ZFC3H1: variants seen among roughly 807,000 people sequenced by gnomAD.
ZFC3H1 encodes the protein zinc finger C3H1-type containing.
In ZFC3H1, 71 loss-of-function variants were observed where a neutral mutation model predicts 243.7. The observed-to-expected ratio is 0.29, with a 90% CI of 0.24 to 0.36. ZFC3H1 has a LOEUF of 0.36. Among genes scored for constraint, ZFC3H1 ranks in the 10% least tolerant of loss-of-function variants. The pLI, the probability that ZFC3H1 is intolerant of heterozygous loss-of-function variation, is 1.00. For synonymous variants in ZFC3H1, 838 were observed against 813.0 expected (o/e 1.03, Z -0.52); for missense variants, 1,966 against 2,317.1 (o/e 0.85, Z 3.11).
chr12:71,645,328 A>G (rs1880701846), intron 3 of ZFC3H1, among the ~76,000 whole-genome samples: 1 of 152,236 alleles, frequency 6.6e-6, no homozygotes, highest in Non-Finnish European at 1.5e-5. Flanking sequence ...AGGCGGTACA[A>G]CTGATAGAAC....
At position 71,663,387 on chromosome 12, in the gene ZFC3H1, G is replaced by A. The variant is rs771756509; in HGVS notation, c.224C>T (p.Ser75Leu). 3 of 1,612,296 alleles carry A rather than the reference G, an allele frequency of 1.9e-6. No homozygotes were observed. Among genetic ancestry groups the A allele is most frequent in the Non-Finnish European group, 2.5e-6 (3 of 1,180,018 alleles). Residue 75 changes from serine to leucine, a missense_variant, in exon 1 of 35, where the codon TCA becomes TTA. By Grantham distance (145) the Ser-to-Leu change is moderately radical. Transcript: ENST00000378743. ...CAGCTGCTGCTGAGAAGAGGACGATGACGAGGAAGAGCCACCGCCTCCGCC... is the reference window on the plus strand; with the variant it reads ...CAGCTGCTGCTGAGAAGAGGACGATAACGAGGAAGAGCCACCGCCTCCGCC... ...GSGGGGGSSS[S>L]SSSSQQQLRN...
Position 71,627,734 on chromosome 12 carries a change from A to G in ZFC3H1, c.4130+17T>C. On this transcript the variant is annotated intron_variant, in intron 21 of 34. Coordinates refer to ENST00000378743, the MANE Select transcript of ZFC3H1 (RefSeq NM_144982.5). ...TAAATGTGCAACTGTTTACACAAAG[A>G]TTTGAAGTTGACCTACCCCTCATTT... 8 of 1,599,138 alleles carry G rather than the reference A, an allele frequency of 5.0e-6. No homozygotes were observed. Among genetic ancestry groups the G allele is most frequent in the Non-Finnish European group, 6.8e-6 (8 of 1,173,504 alleles).
intron 6 of ZFC3H1, among the ~76,000 whole-genome samples, chr12:71,641,277 A>G (rs1210746448): frequency 6.6e-6 from 1 of 152,258 alleles, no homozygotes. Flanking sequence ...AAAACATAAT[A>G]TAAGACTATC....
At chr12:71,621,372 C>T (rs368902424) in intron 24 of ZFC3H1, among the ~76,000 whole-genome samples, 34 of 151,396 alleles carry the variant, frequency 2.2e-4, no homozygotes, top group African/African-American at 7.0e-4. Flanking sequence ...GGCACGACCT[C>T]GGCTCACTGC....
intron 3 of ZFC3H1, 127 bp from the exon 4 acceptor site, chr12:71,645,202 T>C (rs1384703434): frequency 2.5e-6 from 2 of 802,566 alleles, no homozygotes; most frequent in Admixed American, 3.0e-5. Flanking sequence ...CAAATACAGA[T>C]AAAATAAGTA....
intron 16 of ZFC3H1, among the ~76,000 whole-genome samples, chr12:71,631,263 C>T (rs1880316201): frequency 6.6e-6 from 1 of 151,902 alleles, no homozygotes; most frequent in African/African-American, 2.4e-5. Context: ...ACATTACCAG[C>T]CAAGACAAGA....
At chr12:71,654,428 G>A (rs1880965782) in intron 2 of ZFC3H1, among the ~76,000 whole-genome samples, 1 of 152,126 alleles carries the variant, frequency 6.6e-6, no homozygotes, top group African/African-American at 2.4e-5. Flanking sequence ...GCAACACAGT[G>A]AGATCTTATC....
At chr12:71,634,589 C>T (rs1880412825) in intron 11 of ZFC3H1, 115 bp downstream of exon 11, 4 of 1,238,468 alleles carry the variant, frequency 3.2e-6, no homozygotes, top group East Asian at 2.4e-5. Context: ...AAAACATTAA[C>T]TCTGTATCTT....
rs1371149892 is a variant in ZFC3H1 at position 71,663,412 on chromosome 12, C to A, written c.199G>T (p.Gly67Cys). The A allele has an allele frequency of 6.2e-7, 1 of 1,612,010 alleles. No homozygotes were observed. The highest frequency in any genetic ancestry group is 8.5e-7 in the Non-Finnish European group (1 of 1,180,030). The stretch of plus-strand genomic sequence containing the variant: ...GACGAGGAAGAGCCACCGCCTCCGC[C>A]AGATCCACCGCCCCGGGCCGAGTGA... Reference protein sequence around the residue: ...PPHSARGGGSGGGGGSSSSSS... With the variant: ...PPHSARGGGSCGGGGSSSSSS... Residue 67 changes from glycine (G) to cysteine (C), a missense_variant, in exon 1 of 35, where the codon GGC becomes TGC. Transcript: ENST00000378743.
At chr12:71,652,214 C>G (rs1880907343) in intron 2 of ZFC3H1, among the ~76,000 whole-genome samples, 1 of 152,136 alleles carries the variant, frequency 6.6e-6, no homozygotes, top group Admixed American at 6.6e-5. Flanking sequence ...TTTACTGATT[C>G]AGATGACATT....
Position 71,630,967 on chromosome 12 carries a change from G to C in ZFC3H1, c.3471-13C>G, listed in dbSNP as rs1329001648. ...ATATGGACTAAATCTAAGGTGAAGAGAGTGAACAGGTATATTATGCCCAAC... is the reference window on the plus strand; with the variant it reads ...ATATGGACTAAATCTAAGGTGAAGACAGTGAACAGGTATATTATGCCCAAC... On this transcript the variant is annotated splice_polypyrimidine_tract_variant and intron_variant, in intron 16 of 34. Coordinates refer to ENST00000378743, the MANE Select transcript of ZFC3H1 (RefSeq NM_144982.5). The C allele has an allele frequency of 3.8e-6, 6 of 1,595,554 alleles. No homozygotes were observed. Among genetic ancestry groups the C allele is most frequent in the Non-Finnish European group, 5.1e-6 (6 of 1,168,152 alleles).
At chr12:71,612,571 G>GT (rs1180682013) in intron 31 of ZFC3H1, among the ~76,000 whole-genome samples, 1 of 152,014 alleles carries the variant, frequency 6.6e-6, no homozygotes, top group Non-Finnish European at 1.5e-5. Context: ...CTCAACTTTA[G>GT]TTTTTAAACT....
rs1396531797 is a variant in ZFC3H1 at position 71,657,125 on chromosome 12, C to T, written c.775G>A (p.Glu259Lys). 1 of 1,613,926 alleles carries T rather than the reference C, an allele frequency of 6.2e-7. No individual in the cohort carries two copies. The highest frequency in any genetic ancestry group is 8.5e-7 in the Non-Finnish European group (1 of 1,179,918). The change falls in exon 2 of 35, where the codon GAA becomes AAA. Residue 259 changes from glutamate (E) to lysine (K), a missense_variant. Glu to Lys is a moderately conservative substitution (Grantham distance 56). Around this residue, in one of 4 missense-constraint regions of ZFC3H1, gnomAD observed 484 missense variants for 449.7 expected, o/e 1.08. Transcript: ENST00000378743. ...TCGAAGTTCAATGTTTTAGGATCTT[C>T]CTGCACATTCTCTTCTTTGCTACTC... ...ALSSKEENVQ[E>K]DPKTLNFEDQ...
At chr12:71,628,325 C>G (rs1021958585) in intron 20 of ZFC3H1, among the ~76,000 whole-genome samples, 2 of 152,184 alleles carry the variant, frequency 1.3e-5, no homozygotes, top group African/African-American at 4.8e-5. Context: ...AAAGATTATT[C>G]TACTATATCT....
intron 30 of ZFC3H1, 69 bp downstream of exon 30, chr12:71,614,465 GT>G: frequency 7.1e-7 from 1 of 1,402,418 alleles, no homozygotes; most frequent in Non-Finnish European, 9.5e-7. Flanking sequence ...TAAAACAGGA[GT>G]TTTGCTATCA....
rs1881253966 is a variant in ZFC3H1, at chr12:71,663,574, C to T, written c.37G>A (p.Gly13Ser). Residue 13 changes from glycine to serine, a missense_variant, in exon 1 of 35, where the codon GGC (glycine) becomes AGC (serine). Physicochemically the swap from Gly to Ser is moderately conservative, Grantham distance 56. This residue lies in a region of ZFC3H1 where 484 missense variants were observed against 449.7 expected (regional missense o/e 1.08). Transcript: ENST00000378743. ...TADTPAPASS[G>S]LSPKEEGELE... is the part of the protein sequence containing the mutation. ...TCCCCTTCTTCCTTCGGCGAGAGGC[C>T]ACTGGAGGCCGGGGCCGGAGTATCT... is the stretch of plus-strand genomic sequence containing the variant. 1.9e-6 allele frequency: 3 copies of T among 1,612,586 alleles called. No individual in the cohort carries two copies. Among genetic ancestry groups the T allele is most frequent in the Non-Finnish European group, 2.5e-6 (3 of 1,179,992 alleles).
intron 1 of ZFC3H1, chr12:71,660,416 T>A (rs1364986979): frequency 6.6e-6 from 1 of 152,038 alleles, no homozygotes; most frequent in African/African-American, 2.4e-5. Flanking sequence ...AGCATCCTTT[T>A]AAGTGCAGCA....
In ZFC3H1 at chr12:71,613,534, T is replaced by C. The variant is rs534675925; in HGVS notation, c.5527-99A>G. 16 of 676,402 alleles carry C rather than the reference T, an allele frequency of 2.4e-5. No individual in the cohort carries two copies. In the Admixed American group the frequency reaches 3.9e-4, roughly 17 times the overall value. 41.9% of individuals were successfully genotyped at this position (676,402 alleles called of 1,614,324 possible). ...GAAAACCAAAATGGTCTTTAAGATA[T>C]GAATGTATAAATTATAATAATGTAT... On this transcript the variant is annotated intron_variant, in intron 30 of 34. Coordinates refer to ENST00000378743, the MANE Select transcript of ZFC3H1 (RefSeq NM_144982.5).
chr12:71,653,241 TG>T (rs1196096687), intron 2 of ZFC3H1, among the ~76,000 whole-genome samples: 5 of 152,152 alleles, frequency 3.3e-5, no homozygotes, highest in Non-Finnish European at 7.4e-5. Flanking sequence ...AAACAAAAAC[TG>T]TAATTGAAAT....
Sources: allele counts gnomAD v4.1 joint callset (sites outside exome capture counted in the v4.1 genomes callset), GRCh38; gene constraint gnomAD v4.1.1; regional missense constraint gnomAD v4.1.1; transcripts MANE v1.5; gene names NCBI Gene and HGNC (gene_info 2026-07-23, HGNC 2026-07-21).